Variants in SLC8A1 observed in about 807,000 individuals in gnomAD.
The protein encoded by SLC8A1 is solute carrier family 8 member A1.
A neutral mutation model predicts 68.3 loss-of-function variants in SLC8A1; 18 were observed. The ratio of observed to expected loss-of-function variants is 0.26; its 90% CI spans 0.18 to 0.39. The LOEUF is 0.39. Ranked by LOEUF, SLC8A1 falls within the 10% of genes least tolerant of loss-of-function variation. The pLI is 1.00. For synonymous variants in SLC8A1, 475 were observed against 415.5 expected (o/e 1.14, Z -1.74); for missense variants, 985 against 1,156.7 (o/e 0.85, Z 2.15).
At chr2:40,475,346 G>A (rs996357870) in intron 1 of SLC8A1, among the ~76,000 whole-genome samples, 4 of 151,870 alleles carry the variant, frequency 2.6e-5, no homozygotes, top group Admixed American at 1.3e-4. Flanking sequence ...TGTTAGCCAG[G>A]ATGGTCTCGA....
intron 3 of SLC8A1, chr2:40,175,997 T>TATCA (rs1400009537): frequency 2.2e-6 from 1 of 447,488 alleles, no homozygotes; most frequent in South Asian, 1.6e-5. Context: ...CTAGTGGACA[T>TATCA]ATCATCCCAG....
intron 2 of SLC8A1, among the ~76,000 whole-genome samples, chr2:40,266,529 T>C (rs371610753): frequency 3.3e-5 from 5 of 152,170 alleles, no homozygotes; most frequent in South Asian, 2.1e-4. Flanking sequence ...TTCTGGACAC[T>C]AGAATGTTAG....
chr2:40,322,571 G>A (rs1226798376), intron 2 of SLC8A1, among the ~76,000 whole-genome samples: 4 of 151,470 alleles, frequency 2.6e-5, no homozygotes, highest in African/African-American at 9.7e-5. Flanking sequence ...AGCAAGTCAG[G>A]AGTCCGAGGC....
chr2:40,300,135 A>T (rs933931220), intron 2 of SLC8A1, among the ~76,000 whole-genome samples: 6 of 152,158 alleles, frequency 3.9e-5, no homozygotes, highest in Non-Finnish European at 5.9e-5. Flanking sequence ...GCCCATGAAG[A>T]TCTATGCTGC....
chr2:40,126,679 G>C (rs1478682209), intron 7 of SLC8A1, among the ~76,000 whole-genome samples: 2 of 152,134 alleles, frequency 1.3e-5, no homozygotes, highest in Admixed American at 1.3e-4. Context: ...GAGATTAGTA[G>C]TGTACAAAGT....
chr2:40,358,703 G>T (rs1381072134), intron 2 of SLC8A1, among the ~76,000 whole-genome samples: 1 of 152,178 alleles, frequency 6.6e-6, no homozygotes, highest in African/African-American at 2.4e-5. Flanking sequence ...CCTAGGTACA[G>T]TCCAAGGTGC....
chr2:40,255,453 T>G (rs934732379), intron 2 of SLC8A1, among the ~76,000 whole-genome samples: 1 of 152,210 alleles, frequency 6.6e-6, no homozygotes, highest in African/African-American at 2.4e-5. Flanking sequence ...TAAACTATTT[T>G]GTACAGAGAA....
intron 1 of SLC8A1, among the ~76,000 whole-genome samples, chr2:40,474,151 G>A (rs544123090): frequency 6.6e-6 from 1 of 152,240 alleles, no homozygotes; most frequent in Non-Finnish European, 1.5e-5. Flanking sequence ...TCATGACACT[G>A]TGTCAGAACA....
intron 2 of SLC8A1, among the ~76,000 whole-genome samples, chr2:40,291,235 T>G (rs980570061): frequency 2.0e-5 from 3 of 152,172 alleles, no homozygotes; most frequent in African/African-American, 7.2e-5. Context: ...CTTTCCAGTC[T>G]AAAATGTCAA....
chr2:40,346,466 G>A (rs1669342294), intron 2 of SLC8A1, among the ~76,000 whole-genome samples: 1 of 152,176 alleles, frequency 6.6e-6, no homozygotes, highest in Non-Finnish European at 1.5e-5. Context: ...ATTCAGTGTT[G>A]TGACCAGCAC....
intron 2 of SLC8A1, among the ~76,000 whole-genome samples, chr2:40,253,168 T>C (rs534318445): frequency 5.9e-5 from 8 of 134,898 alleles, no homozygotes; most frequent in South Asian, 2.2e-4. Flanking sequence ...TATATGTATA[T>C]ACACACAAAT....
Position 40,109,924 on chromosome 2 carries a change from C to G in SLC8A1, c.*5329G>C, listed in dbSNP as rs893723453. 2.6e-5 allele frequency: 4 copies of G among 152,204 alleles called. No individual in the cohort carries two copies. The East Asian group carries it at 7.7e-4, about 29-fold the overall frequency. 9.4% of individuals were successfully genotyped at this position (152,204 alleles called of 1,614,324 possible). On this transcript the variant is annotated 3_prime_UTR_variant, in exon 8 of 8. Coordinates refer to ENST00000406785, the Ensembl canonical transcript of SLC8A1. ...TAATTTTAACTACTAAGTCATATTG[C>G]TTTTTGAAGTTATACAGTAATGCTC...
At chr2:40,351,529 A>C (rs1430151587) in intron 2 of SLC8A1, among the ~76,000 whole-genome samples, 1 of 151,484 alleles carries the variant, frequency 6.6e-6, no homozygotes, top group African/African-American at 2.4e-5. Context: ...CAAATCTAAC[A>C]TCTGTCCTTA....
At chr2:40,336,165 T>A (rs1665908158) in intron 2 of SLC8A1, among the ~76,000 whole-genome samples, 1 of 152,204 alleles carries the variant, frequency 6.6e-6, no homozygotes, top group African/African-American at 2.4e-5. Flanking sequence ...AATTTGGCCA[T>A]CCTAATTCCA....
intron 2 of SLC8A1, among the ~76,000 whole-genome samples, chr2:40,227,289 C>T (rs544324382): frequency 2.3e-4 from 35 of 152,164 alleles, no homozygotes; most frequent in Admixed American, 1.6e-3. Context: ...ATCTTCCCTA[C>T]TGTTTTTCTT....
At chr2:40,346,401 T>C (rs369850422) in intron 2 of SLC8A1, among the ~76,000 whole-genome samples, 11 of 152,280 alleles carry the variant, frequency 7.2e-5, no homozygotes, top group African/African-American at 2.4e-4. Context: ...ATATATATGC[T>C]AGGGCGTTTA....
intron 3 of SLC8A1, chr2:40,175,836 C>T: frequency 3.8e-6 from 1 of 262,620 alleles, no homozygotes; most frequent in Non-Finnish European, 7.6e-6. Context: ...CAAGGTAAAG[C>T]ACTATCTTGG....
chr2:40,398,851 C>T (rs1337150379), intron 2 of SLC8A1, among the ~76,000 whole-genome samples: 1 of 152,182 alleles, frequency 6.6e-6, no homozygotes, highest in African/African-American at 2.4e-5. Context: ...TGATAAATGA[C>T]ACACTTCCCT....
At chr2:40,458,189 A>G (rs1032311473) in intron 1 of SLC8A1, among the ~76,000 whole-genome samples, 3 of 152,224 alleles carry the variant, frequency 2.0e-5, no homozygotes, top group African/African-American at 7.2e-5. Context: ...CTGCTGCTCT[A>G]TCAAATTTCA....
Sources: allele counts gnomAD v4.1 joint callset (sites outside exome capture counted in the v4.1 genomes callset), GRCh38; gene constraint gnomAD v4.1.1; transcripts MANE v1.5; gene names NCBI Gene and HGNC (gene_info 2026-07-23, HGNC 2026-07-21).